The following PDE7B variants were observed in gnomAD, a reference collection of about 807,000 sequenced individuals.
The protein encoded by PDE7B is 3',5'-cyclic-AMP phosphodiesterase 7B.
A neutral mutation model predicts 56.2 loss-of-function variants in PDE7B; 29 were observed. The ratio of observed to expected loss-of-function variants is 0.52; its 90% CI spans 0.38 to 0.70. The LOEUF is 0.70. Among genes scored for constraint, PDE7B ranks in the 30% least tolerant of loss-of-function variants. The pLI, the probability that PDE7B is intolerant of heterozygous loss-of-function variation, is 0.00. For synonymous variants in PDE7B, 197 were observed against 196.9 expected, an observed-to-expected ratio of 1.00 and a Z score of 0.00; for missense variants, 490 against 565.0, an observed-to-expected ratio of 0.87 and a Z score of 1.35.
chr6:136,020,781 TTG>T (rs1362418849), intron 2 of PDE7B, among the ~76,000 whole-genome samples: 4 of 151,982 alleles, frequency 2.6e-5, no homozygotes, highest in African/African-American at 9.6e-5. Context: ...AGGTCACCTC[TTG>T]TCTCTGCTGT....
chr6:136,067,029 AT>A (rs1023761887), intron 2 of PDE7B, among the ~76,000 whole-genome samples: 5 of 151,852 alleles, frequency 3.3e-5, no homozygotes, highest in Admixed American at 2.0e-4. Flanking sequence ...CTAATTTAAT[AT>A]TTTTTATAGA....
At chr6:136,075,332 G>A (rs1013531938) in intron 2 of PDE7B, among the ~76,000 whole-genome samples, 24 of 152,236 alleles carry the variant, frequency 1.6e-4, no homozygotes, top group African/African-American at 4.3e-4. Flanking sequence ...TAGGCAAAGC[G>A]TCCCCAACCC....
intron 1 of PDE7B, among the ~76,000 whole-genome samples, chr6:135,864,942 T>G (rs1427313701): frequency 1.7e-4 from 11 of 66,220 alleles, no homozygotes; most frequent in Non-Finnish European, 2.8e-4. Context: ...CCCTCCCCCC[T>G]CCCCCCACCC....
chr6:135,866,974 A>G (rs887473200), intron 1 of PDE7B, among the ~76,000 whole-genome samples: 3 of 152,128 alleles, frequency 2.0e-5, no homozygotes, highest in Non-Finnish European at 4.4e-5. Context: ...GCGGTTTGTC[A>G]GCTTTTCTTG....
intron 1 of PDE7B, among the ~76,000 whole-genome samples, chr6:135,932,633 A>T (rs891912036): frequency 6.6e-6 from 1 of 152,208 alleles, no homozygotes; most frequent in East Asian, 1.9e-4. Flanking sequence ...TTTCCTGATC[A>T]TATCTAACCC....
intron 2 of PDE7B, among the ~76,000 whole-genome samples, chr6:135,951,379 T>A (rs1774695575): frequency 6.6e-6 from 1 of 152,156 alleles, no homozygotes; most frequent in African/African-American, 2.4e-5. Context: ...AGAGACATTA[T>A]CTCTCACTGT....
At chr6:136,140,412 C>T (rs971613551) in intron 3 of PDE7B, among the ~76,000 whole-genome samples, 21 of 152,118 alleles carry the variant, frequency 1.4e-4, no homozygotes, top group African/African-American at 5.1e-4. Context: ...CATGATGCCT[C>T]CAGCTTTGTT....
chr6:135,877,358 CTTT>C (rs11302793), intron 1 of PDE7B, among the ~76,000 whole-genome samples: 155 of 126,922 alleles, frequency 1.2e-3, no homozygotes, highest in African/African-American at 3.9e-3. Context: ...TTACACATTC[CTTT>C]TTTTTTTTTT....
chr6:136,005,777 C>T (rs1288413275), intron 2 of PDE7B, among the ~76,000 whole-genome samples: 1 of 152,146 alleles, frequency 6.6e-6, no homozygotes, highest in Non-Finnish European at 1.5e-5. Context: ...CTAGTTCAAC[C>T]ATTGTGGAAG....
At chr6:136,154,258 T>G in intron 7 of PDE7B, 83 bp downstream of exon 7, 2 of 742,630 alleles carry the variant, frequency 2.7e-6, no homozygotes, top group Non-Finnish European at 4.8e-6. Context: ...CCAACATATC[T>G]GAGTAACTAT....
chr6:136,111,330 A>C (rs1777744307), intron 3 of PDE7B, among the ~76,000 whole-genome samples: 1 of 152,144 alleles, frequency 6.6e-6, no homozygotes, highest in Admixed American at 6.5e-5. Context: ...CTCCTCGAAA[A>C]CATTATATTA....
At chr6:135,949,889 G>C (rs1258726083) in intron 2 of PDE7B, among the ~76,000 whole-genome samples, 2 of 152,120 alleles carry the variant, frequency 1.3e-5, no homozygotes, top group African/African-American at 2.4e-5. Context: ...TAGTGAGTTT[G>C]AGTTGCTCAC....
At chr6:135,860,880 C>T (rs1171871357) in intron 1 of PDE7B, among the ~76,000 whole-genome samples, 1 of 151,580 alleles carries the variant, frequency 6.6e-6, no homozygotes, top group East Asian at 1.9e-4. Context: ...CTATAGCACA[C>T]ATAACAGAAA....
intron 11 of PDE7B, among the ~76,000 whole-genome samples, chr6:136,185,257 G>C (rs1344457239): frequency 2.0e-5 from 3 of 152,104 alleles, no homozygotes; most frequent in Non-Finnish European, 2.9e-5. Context: ...TAAAATGACA[G>C]AACTGCAGCC....
chr6:135,904,054 G>T (rs1776053510), intron 1 of PDE7B, among the ~76,000 whole-genome samples: 1 of 152,010 alleles, frequency 6.6e-6, no homozygotes, highest in Non-Finnish European at 1.5e-5. Context: ...GATTTAAATT[G>T]TTCTCCTTTC....
At chr6:135,922,210 A>G (rs1774096402) in intron 1 of PDE7B, among the ~76,000 whole-genome samples, 1 of 152,164 alleles carries the variant, frequency 6.6e-6, no homozygotes, top group African/African-American at 2.4e-5. Flanking sequence ...ACTCTGGGTA[A>G]GGTAAGAGAA....
At chr6:136,016,020 T>G (rs770621216) in intron 2 of PDE7B, among the ~76,000 whole-genome samples, 4 of 152,212 alleles carry the variant, frequency 2.6e-5, no homozygotes, top group African/African-American at 4.8e-5. Context: ...AAGAAAAACT[T>G]CTTTGATGAT....
intron 2 of PDE7B, among the ~76,000 whole-genome samples, chr6:136,082,899 GT>G (rs1407977170): frequency 6.6e-6 from 1 of 152,212 alleles, no homozygotes; most frequent in Non-Finnish European, 1.5e-5. Flanking sequence ...GAAAAAAATA[GT>G]TGAAATTAAC....
At chr6:135,991,677 G>A (rs111668741) in intron 2 of PDE7B, among the ~76,000 whole-genome samples, 2,101 of 152,076 alleles carry the variant, frequency 0.014, 56 homozygotes, top group African/African-American at 0.046. Context: ...ATTTTTCTTC[G>A]AATGCTTTTT....
Sources: allele counts gnomAD v4.1 joint callset (sites outside exome capture counted in the v4.1 genomes callset), GRCh38; gene constraint gnomAD v4.1.1; transcripts MANE v1.5; gene names NCBI Gene and HGNC (gene_info 2026-07-23, HGNC 2026-07-21).